SHROOM3: variants seen among roughly 807,000 people sequenced by gnomAD.
SHROOM3 encodes shroom family member 3, also known as protein Shroom3.
SHROOM3 carries 47 observed loss-of-function variants against 138.6 expected under a neutral mutation model. The observed-to-expected ratio is 0.34, with a 90% CI of 0.27 to 0.43. The LOEUF is 0.43. Among genes scored for constraint, SHROOM3 ranks in the 20% least tolerant of loss-of-function variants. The pLI is 1.00. For missense variants in SHROOM3, 2,491 were observed against 2,596.5 expected, an observed-to-expected ratio of 0.96 and a Z score of 0.88; for synonymous variants, 1,062 against 1,063.3, an observed-to-expected ratio of 1.00 and a Z score of 0.02.
At chr4:76,672,501 GC>G (rs1291067081) in intron 2 of SHROOM3, among the ~76,000 whole-genome samples, 18 of 151,738 alleles carry the variant, frequency 1.2e-4, no homozygotes, top group African/African-American at 4.3e-4. Context: ...AAACTATGTG[GC>G]AAGTTGACTT....
intron 2 of SHROOM3, among the ~76,000 whole-genome samples, chr4:76,608,556 A>AGCG (rs1734673998): frequency 1.3e-5 from 1 of 78,696 alleles, no homozygotes; most frequent in Non-Finnish European, 2.7e-5. Context: ...ATAGCATAGC[A>AGCG]TAGCATAGCA....
chr4:76,506,142 C>T (rs1452704196), intron 1 of SHROOM3, among the ~76,000 whole-genome samples: 1 of 151,802 alleles, frequency 6.6e-6, no homozygotes. Flanking sequence ...CCAAACACTG[C>T]ATGTTCTCAC....
At chr4:76,511,926 T>C (rs1248757277) in intron 1 of SHROOM3, among the ~76,000 whole-genome samples, 1 of 152,044 alleles carries the variant, frequency 6.6e-6, no homozygotes, top group African/African-American at 2.4e-5. Context: ...CCTCAGAATC[T>C]AAAGAAGGTT....
chr4:76,522,684 A>C (rs187142676), intron 1 of SHROOM3, among the ~76,000 whole-genome samples: 109 of 152,310 alleles, frequency 7.2e-4, no homozygotes, highest in Middle Eastern at 3.4e-3. Context: ...GCTACTCAGG[A>C]GGCTGAGACA....
chr4:76,496,199 G>A (rs1731965330), intron 1 of SHROOM3, among the ~76,000 whole-genome samples: 5 of 152,232 alleles, frequency 3.3e-5, no homozygotes, highest in Admixed American at 2.6e-4. Flanking sequence ...ATTGGAGGGT[G>A]TGCTTCTGGG....
chr4:76,544,383 A>T (rs1344014535), intron 1 of SHROOM3, among the ~76,000 whole-genome samples: 1 of 150,616 alleles, frequency 6.6e-6, no homozygotes, highest in Non-Finnish European at 1.5e-5. Context: ...ACTTTCCTCA[A>T]AAAATTTTAA....
At chr4:76,510,565 C>T (rs1413720510) in intron 1 of SHROOM3, among the ~76,000 whole-genome samples, 3 of 152,346 alleles carry the variant, frequency 2.0e-5, no homozygotes, top group East Asian at 1.9e-4. Context: ...AGTTGATCCA[C>T]AGTGAGTGCT....
At chr4:76,669,297 A>G (rs576961029) in intron 2 of SHROOM3, among the ~76,000 whole-genome samples, 1 of 152,198 alleles carries the variant, frequency 6.6e-6, no homozygotes, top group Non-Finnish European at 1.5e-5. Flanking sequence ...GTCTTTAAGT[A>G]GGGATAAATT....
At chr4:76,508,961 G>A (rs1010384880) in intron 1 of SHROOM3, among the ~76,000 whole-genome samples, 1 of 152,128 alleles carries the variant, frequency 6.6e-6, no homozygotes, top group African/African-American at 2.4e-5. Flanking sequence ...GAAGGACAAA[G>A]GAATAGAGCC....
At chr4:76,719,679 G>T (rs1720477217) in intron 3 of SHROOM3, among the ~76,000 whole-genome samples, 1 of 144,636 alleles carries the variant, frequency 6.9e-6, no homozygotes, top group Non-Finnish European at 1.5e-5. Flanking sequence ...ATTTCAATTT[G>T]TTACCCCCCG....
At position 76,781,268 on chromosome 4, in the gene SHROOM3, C is replaced by CGT. The variant is rs1164596127; in HGVS notation, c.*2091_*2092insGT. The CGT allele has an allele frequency of 6.6e-6, 1 of 152,146 alleles. No homozygotes were observed. Among genetic ancestry groups the CGT allele is most frequent in the Non-Finnish European group, 1.5e-5 (1 of 68,096 alleles). 9.4% of individuals were successfully genotyped at this position (152,146 alleles called of 1,614,324 possible). ...TCAGCCTCCCAAGTAGCTGGGACCA[C>CGT]AGGTGTGCACCACTATGCTTGGCTA... is the stretch of plus-strand genomic sequence containing the variant. On this transcript the variant is annotated 3_prime_UTR_variant, in exon 11 of 11. Transcript: ENST00000296043.
chr4:76,519,925 C>T (rs1469544948), intron 1 of SHROOM3, among the ~76,000 whole-genome samples: 4 of 152,130 alleles, frequency 2.6e-5, no homozygotes, highest in Non-Finnish European at 2.9e-5. Flanking sequence ...TTGTGTTGAG[C>T]TTCTTGTGTT....
Position 76,741,498 on chromosome 4 carries a change from C to A in SHROOM3, c.3325C>A (p.Pro1109Thr), listed in dbSNP as rs771077514. Residue 1109 changes from proline to threonine, a missense_variant, in exon 5 of 11, where the codon CCC becomes ACC. By Grantham distance (38) the Pro-to-Thr change is conservative (BLOSUM62 -1). This residue lies in a region of SHROOM3 where 1,733 missense variants were observed against 1,661.6 expected (regional missense o/e 1.04). Coordinates refer to ENST00000296043, the MANE Select transcript of SHROOM3 (RefSeq NM_020859.4). The surrounding 1 kb of genome is among the most constrained non-coding windows in gnomAD (Gnocchi z 6.2). The stretch of plus-strand genomic sequence containing the variant: ...CGCCGCCGGCTGCAGCCTCCAGGAG[C>A]CCGGGCCACTGCGTGAGCGCGCCCA... Reference protein sequence around the residue: ...TSAAGCSLQEPGPLRERAQSA... With the variant: ...TSAAGCSLQETGPLRERAQSA... 7 of 1,556,036 alleles carry A rather than the reference C, an allele frequency of 4.5e-6. No homozygotes were observed. The highest frequency in any genetic ancestry group is 1.2e-5 in the South Asian group (1 of 85,264).
chr4:76,654,755 G>C (rs1209891247), intron 2 of SHROOM3, among the ~76,000 whole-genome samples: 2 of 152,186 alleles, frequency 1.3e-5, no homozygotes, highest in Non-Finnish European at 2.9e-5. Context: ...GCCTCTCACA[G>C]TTGGGGTGCC....
rs558806113 is a variant in SHROOM3, at chr4:76,538,973, G to A, written c.169-16636G>A. 7.1e-4 allele frequency among the ~76,000 whole-genome samples: 108 copies of A among 152,226 alleles called. 1 individual carries two copies. The highest frequency in any genetic ancestry group is 2.5e-3 in the African/African-American group (102 of 41,554). On this transcript the variant is annotated intron_variant, in intron 1 of 10. Transcript: ENST00000296043. Reference sequence around the variant, plus strand: ...GTTTAGTTACACTAATATAGTATATGGCTTTATGTTTCTTAGGCTGTAGGG... The same window carrying A: ...GTTTAGTTACACTAATATAGTATATAGCTTTATGTTTCTTAGGCTGTAGGG...
At chr4:76,486,722 T>A (rs1731739036) in intron 1 of SHROOM3, among the ~76,000 whole-genome samples, 2 of 152,254 alleles carry the variant, frequency 1.3e-5, no homozygotes, top group East Asian at 3.9e-4. Flanking sequence ...GGAATGACGC[T>A]CTCTATGGTT....
chr4:76,555,576 A>G lies in SHROOM3; in HGVS notation c.169-33A>G, dbSNP rs985106300. 6 of 1,611,748 alleles carry G rather than the reference A, an allele frequency of 3.7e-6. No individual in the cohort carries two copies. The African/African-American group carries it at 8.0e-5, about 22-fold the overall frequency. On this transcript the variant is annotated intron_variant, in intron 1 of 10. Coordinates refer to ENST00000296043, the MANE Select transcript of SHROOM3 (RefSeq NM_020859.4). ...CAGACCCCAGGCCAGGGGAAAGCTC[A>G]CTCGTGGCTGTCGCATCTCTCCCTC...
chr4:76,635,611 G>T (rs912164308), intron 2 of SHROOM3, among the ~76,000 whole-genome samples: 2 of 152,142 alleles, frequency 1.3e-5, no homozygotes, highest in Non-Finnish European at 2.9e-5. Flanking sequence ...AGGTCTGAAA[G>T]GCCTCTGGAG....
At chr4:76,652,809 A>G (rs535810195) in intron 2 of SHROOM3, among the ~76,000 whole-genome samples, 6 of 151,848 alleles carry the variant, frequency 4.0e-5, no homozygotes, top group African/African-American at 7.2e-5. Context: ...GTGTGTGTGT[A>G]TATATATACA....
Sources: gnomAD v4.1 joint callset for allele counts (sites outside exome capture counted in the v4.1 genomes callset) on GRCh38, gnomAD v4.1.1 for gene constraint, gnomAD v4.1.1 regional missense constraint, Gnocchi (gnomAD v3.1) non-coding constraint, MANE v1.5 for transcripts, NCBI Gene and HGNC (gene_info 2026-07-23, HGNC 2026-07-21) for gene names.